The following GPNMB variants were observed in gnomAD, a reference collection of about 807,000 sequenced individuals.
The protein encoded by GPNMB is transmembrane glycoprotein NMB.
GPNMB carries 71 observed loss-of-function variants against 57.3 expected under a neutral mutation model. The ratio of observed to expected loss-of-function variants is 1.24; its 90% CI spans 1.02 to 1.51. GPNMB has a LOEUF of 1.51. Ranked by LOEUF, GPNMB falls within the 40% of genes most tolerant of loss-of-function variation. The probability of loss-of-function intolerance (pLI) is 0.00; values close to 1 mark genes in which losing one functional copy is unlikely to be tolerated. For missense variants in GPNMB, 677 were observed against 691.9 expected (o/e 0.98, Z 0.24); for synonymous variants, 253 against 263.2 (o/e 0.96, Z 0.38).
At chr7:23,247,119 T>G in intron 1 of GPNMB, 192 bp downstream of exon 1, 1 of 597,512 alleles carries the variant, frequency 1.7e-6, no homozygotes, top group Non-Finnish European at 3.0e-6. Context: ...GCTCCATTCT[T>G]TGCTTTCGGC....
At chr7:23,248,372 A>G (rs1018279756) in intron 1 of GPNMB, among the ~76,000 whole-genome samples, 11 of 152,270 alleles carry the variant, frequency 7.2e-5, no homozygotes, top group Admixed American at 5.9e-4. Context: ...GCTCAATAAA[A>G]CAGATTAGCA....
intron 7 of GPNMB, among the ~76,000 whole-genome samples, 200 bp from the exon 8 acceptor site, chr7:23,267,686 A>G (rs546747856): frequency 6.6e-6 from 1 of 152,288 alleles, no homozygotes; most frequent in South Asian, 2.1e-4. Flanking sequence ...TCATAAGGGC[A>G]TTAATCTCAC....
intron 9 of GPNMB, among the ~76,000 whole-genome samples, chr7:23,271,982 G>T (rs1026227464): frequency 6.6e-6 from 1 of 152,154 alleles, no homozygotes; most frequent in South Asian, 2.1e-4. Flanking sequence ...CAAAACCAAC[G>T]ATGCAAGGGT....
intron 3 of GPNMB, 25 bp downstream of exon 3, chr7:23,254,337 C>G: frequency 6.3e-7 from 1 of 1,590,800 alleles, no homozygotes; most frequent in Non-Finnish European, 8.6e-7. Context: ...TTCTCCTAAA[C>G]TACTGGAGAC....
Position 23,274,466 on chromosome 7 carries a change from T to C in GPNMB, c.*242T>C. ...AGCAAGGCTTCTTTTCATTATTTTT[T>C]ATGTTTCACTTATAAAGTCTTAGGT... On this transcript the variant is annotated 3_prime_UTR_variant, in exon 11 of 11. Transcript: ENST00000258733. 2.7e-6 allele frequency: 1 copy of C among 376,690 alleles called. No individual in the cohort carries two copies. Among genetic ancestry groups the C allele is most frequent in the East Asian group, 5.1e-5 (1 of 19,584 alleles). 23.3% of individuals were successfully genotyped at this position (376,690 alleles called of 1,614,324 possible). A position where few individuals can be genotyped will look rare whatever the true frequency, so the allele number is the denominator to read the frequency against.
intron 6 of GPNMB, among the ~76,000 whole-genome samples, chr7:23,262,281 T>C (rs979957858): frequency 6.6e-6 from 1 of 152,202 alleles, no homozygotes; most frequent in Non-Finnish European, 1.5e-5. Context: ...ACAATGTAGA[T>C]GTCTAGAGTA....
intron 1 of GPNMB, among the ~76,000 whole-genome samples, chr7:23,248,457 A>T (rs1207896210): frequency 6.6e-6 from 1 of 152,184 alleles, no homozygotes; most frequent in Admixed American, 6.5e-5. Flanking sequence ...CCAGCCATTC[A>T]CCAGGTTCAC....
chr7:23,268,840 G>A (rs1783130641), intron 8 of GPNMB, among the ~76,000 whole-genome samples: 2 of 152,238 alleles, frequency 1.3e-5, no homozygotes, highest in Admixed American at 1.3e-4. Flanking sequence ...CTGGTGAGAA[G>A]GGGGACTGTC....
intron 3 of GPNMB, among the ~76,000 whole-genome samples, chr7:23,255,624 C>G (rs1782758635): frequency 6.6e-6 from 1 of 152,068 alleles, no homozygotes; most frequent in African/African-American, 2.4e-5. Context: ...TGAGGAACCT[C>G]CATACTGTTT....
chr7:23,264,115 T>C (rs1214880594), intron 6 of GPNMB, among the ~76,000 whole-genome samples: 1 of 146,744 alleles, frequency 6.8e-6, no homozygotes, highest in African/African-American at 2.7e-5. Context: ...AAAAAAAACC[T>C]TTTGTAAGAC....
At chr7:23,259,399 G>A (rs756515789) in intron 4 of GPNMB, among the ~76,000 whole-genome samples, 14 of 152,042 alleles carry the variant, frequency 9.2e-5, no homozygotes, top group Non-Finnish European at 1.3e-4. Flanking sequence ...GGCCAGGATG[G>A]TCTCCATCTC....
intron 1 of GPNMB, among the ~76,000 whole-genome samples, 177 bp from the exon 2 acceptor site, chr7:23,253,130 C>T (rs548659452): frequency 1.9e-4 from 29 of 152,264 alleles, no homozygotes; most frequent in Non-Finnish European, 3.4e-4. Context: ...GGTCTGAATG[C>T]TTGTAATCAA....
intron 1 of GPNMB, chr7:23,247,821 A>G (rs377140428): frequency 6.6e-6 from 1 of 152,210 alleles, no homozygotes; most frequent in East Asian, 1.9e-4. Flanking sequence ...TTTGGAAAGG[A>G]AGTCCCATCA....
Position 23,264,309 on chromosome 7 carries a change from C to T in GPNMB, c.1019-2208C>T, listed in dbSNP as rs145766358. ...AAGGTGTGCGTTTCTCTCCATTAGC[C>T]CTTGAATCATACCTTGACTTTATAG... On this transcript the variant is annotated intron_variant, in intron 6 of 10. Transcript: ENST00000258733. Among the ~76,000 whole-genome samples, 846 of 152,146 alleles carry T rather than the reference C, an allele frequency of 5.6e-3. 3 individuals carry two copies. Among genetic ancestry groups the T allele is most frequent in the African/African-American group, 0.02 (817 of 41,512 alleles).
intron 1 of GPNMB, chr7:23,247,253 C>T (rs1215341871): frequency 5.8e-6 from 2 of 345,992 alleles, no homozygotes; most frequent in Non-Finnish European, 1.1e-5. Flanking sequence ...CAGAACAAAG[C>T]AACTCCACCA....
rs769295187 is a variant in GPNMB, at chr7:23,266,555, C to T, written c.1057C>T (p.Pro353Ser). ...CAACCCCCTGGAGCTGAGTAGGATT[C>T]CTGATGAAAACTGCCAGATTAACAG... ...GDNPLELSRIPDENCQINRYG... is the reference protein window; with the variant it reads ...GDNPLELSRISDENCQINRYG... The change falls in exon 7 of 11, where the codon CCT (proline) becomes TCT (serine). Residue 353 changes from proline to serine, a missense_variant. By Grantham distance (74) the Pro-to-Ser change is moderately conservative. Coordinates refer to ENST00000258733, the MANE Select transcript of GPNMB (RefSeq NM_002510.3). 1.4e-5 allele frequency: 23 copies of T among 1,613,656 alleles called. No individual in the cohort carries two copies. In the Admixed American group the frequency reaches 3.5e-4, roughly 25 times the overall value.
At chr7:23,259,630 A>G (rs1170490346) in intron 4 of GPNMB, among the ~76,000 whole-genome samples, 1 of 152,220 alleles carries the variant, frequency 6.6e-6, no homozygotes, top group African/African-American at 2.4e-5. Flanking sequence ...TGGACACCTC[A>G]TCATTATATT....
intron 3 of GPNMB, among the ~76,000 whole-genome samples, chr7:23,255,902 CT>C (rs112815710): frequency 4.0e-5 from 6 of 149,344 alleles, no homozygotes; most frequent in African/African-American, 9.8e-5. Flanking sequence ...AAATCTTTCT[CT>C]TTTTTTTTTC....
chr7:23,260,661 G>A lies in GPNMB; in HGVS notation c.906G>A (p.Thr302=), dbSNP rs771301615. The A allele has an allele frequency of 1.6e-5, 26 of 1,613,802 alleles. No individual in the cohort carries two copies. The highest frequency in any genetic ancestry group is 8.3e-5 in the Admixed American group (5 of 59,992). Residue 302 remains threonine, a synonymous_variant, in exon 6 of 11, where the codon ACG becomes ACA. Transcript: ENST00000258733. ...FVSTNHTVNH[T]YVLNGTFSLN... is the part of the protein sequence containing the mutation. ...CCACCAATCATACTGTGAATCACAC[G>A]TATGTGCTCAATGGAACCTTCAGCC...
Sources: allele counts gnomAD v4.1 joint callset (sites outside exome capture counted in the v4.1 genomes callset), GRCh38; gene constraint gnomAD v4.1.1; transcripts MANE v1.5; gene names NCBI Gene and HGNC (gene_info 2026-07-23, HGNC 2026-07-21).